Variants in ARPP21 observed in about 807,000 individuals in gnomAD.
The protein encoded by ARPP21 is cAMP-regulated phosphoprotein 21.
A neutral mutation model predicts 113.2 loss-of-function variants in ARPP21; 69 were observed. The observed-to-expected ratio is 0.61, with a 90% CI of 0.50 to 0.74. The LOEUF (loss-of-function observed/expected upper bound fraction) is 0.74. Ranked by LOEUF, ARPP21 falls within the 30% of genes least tolerant of loss-of-function variation. The pLI is 0.00. For synonymous variants in ARPP21, 368 were observed against 375.5 expected, an observed-to-expected ratio of 0.98 and a Z score of 0.23; for missense variants, 1,070 against 1,037.4, an observed-to-expected ratio of 1.03 and a Z score of -0.43.
At chr3:35,714,102 A>G (rs993783511) in intron 11 of ARPP21, among the ~76,000 whole-genome samples, 10 of 152,188 alleles carry the variant, frequency 6.6e-5, no homozygotes, top group Admixed American at 2.0e-4. Flanking sequence ...ATAAATGTCA[A>G]GTTTTTTAAA....
intron 14 of ARPP21, among the ~76,000 whole-genome samples, chr3:35,728,678 C>A (rs996489157): frequency 1.3e-5 from 2 of 152,262 alleles, no homozygotes; most frequent in African/African-American, 4.8e-5. Context: ...TCACATTCTG[C>A]TAAACCATGC....
intron 9 of ARPP21, among the ~76,000 whole-genome samples, chr3:35,704,077 A>C (rs1576058666): frequency 6.6e-6 from 1 of 151,906 alleles, no homozygotes; most frequent in East Asian, 1.9e-4. Context: ...AAATTTTATT[A>C]GATTCACTTG....
At chr3:35,682,253 C>T (rs2079126324) in intron 3 of ARPP21, among the ~76,000 whole-genome samples, 1 of 151,740 alleles carries the variant, frequency 6.6e-6, no homozygotes, top group African/African-American at 2.4e-5. Context: ...TCATGGTAAA[C>T]TAAGAAAAAT....
chr3:35,659,743 T>G (rs1663162884), intron 1 of ARPP21, among the ~76,000 whole-genome samples: 1 of 152,204 alleles, frequency 6.6e-6, no homozygotes, highest in South Asian at 2.1e-4. Flanking sequence ...TTTAAAGCAG[T>G]AATTCATCAC....
chr3:35,685,203 G>T, intron 5 of ARPP21: 1 of 985,312 alleles, frequency 1.0e-6, no homozygotes, highest in Non-Finnish European at 1.2e-6. Context: ...TTTTTTAAGG[G>T]ATCAACTGTA....
intron 11 of ARPP21, 105 bp downstream of exon 11, chr3:35,709,175 C>T (rs2090246344): frequency 3.9e-6 from 3 of 765,278 alleles, no homozygotes; most frequent in Non-Finnish European, 6.5e-6. Flanking sequence ...AGGCTGGAGC[C>T]AGAGAACAAA....
chr3:35,640,524 G>A (rs544899388), intron 1 of ARPP21, 126 bp downstream of exon 1: 2 of 151,824 alleles, frequency 1.3e-5, no homozygotes, highest in Non-Finnish European at 2.9e-5. Flanking sequence ...TTTCTTCTTC[G>A]TGTTTGTAGA....
At chr3:35,684,851 T>C (rs1488118081) in intron 5 of ARPP21, 3 of 983,778 alleles carry the variant, frequency 3.0e-6, no homozygotes, top group Non-Finnish European at 3.6e-6. Flanking sequence ...TCATAAGGCA[T>C]GGACAGGCTA....
At chr3:35,744,249 T>C (rs1453172731) in intron 19 of ARPP21, among the ~76,000 whole-genome samples, 1 of 152,230 alleles carries the variant, frequency 6.6e-6, no homozygotes, top group East Asian at 1.9e-4. Flanking sequence ...TGTCCGTACC[T>C]TTCTAGTTCA....
chr3:35,719,179 A>C (rs957142239), intron 13 of ARPP21, among the ~76,000 whole-genome samples: 1 of 151,844 alleles, frequency 6.6e-6, no homozygotes, highest in East Asian at 1.9e-4. Flanking sequence ...CCCACACCCA[A>C]ACAGATTTGG....
intron 1 of ARPP21, among the ~76,000 whole-genome samples, chr3:35,654,747 A>C (rs540560018): frequency 6.6e-6 from 1 of 152,054 alleles, no homozygotes; most frequent in Non-Finnish European, 1.5e-5. Flanking sequence ...AGTTTCTCAG[A>C]TAAAGGAAGT....
intron 19 of ARPP21, among the ~76,000 whole-genome samples, chr3:35,762,096 CCTCTCTCT>C (rs373149403): frequency 1.0e-4 from 14 of 136,144 alleles, no homozygotes; most frequent in South Asian, 6.9e-4. Context: ...CTCTCTCTCT[CCTCTCTCT>C]CTCTCTCTCT....
intron 15 of ARPP21, among the ~76,000 whole-genome samples, chr3:35,736,481 G>A (rs1173597187): frequency 1.3e-5 from 2 of 152,110 alleles, no homozygotes; most frequent in Non-Finnish European, 2.9e-5. Flanking sequence ...CAAAGACAAA[G>A]CAATACTATG....
Position 35,792,540 on chromosome 3 carries a change from A to G in ARPP21, c.2286+10A>G. On this transcript the variant is annotated intron_variant, in intron 20 of 20. Coordinates refer to ENST00000684406, the MANE Select transcript of ARPP21 (RefSeq NM_001385562.1). ...AATGTCTTCTTATCAGGTGCTCATA[A>G]GCAGCTTGGAAAATTGTGGGTTTTA... The G allele has an allele frequency of 6.2e-7, 1 of 1,613,910 alleles. No individual in the cohort carries two copies. The highest frequency in any genetic ancestry group is 8.5e-7 in the Non-Finnish European group (1 of 1,179,834).
upstream of ARPP21, among the ~76,000 whole-genome samples, chr3:35,639,367 G>A (rs1268408719): frequency 2.0e-5 from 3 of 152,020 alleles, no homozygotes; most frequent in South Asian, 2.1e-4. The surrounding 1 kb of genome is among the most constrained non-coding windows in gnomAD (Gnocchi z 5.0). Flanking sequence ...TCTGGGGCCC[G>A]GGGTCTCCGG....
rs145734208 is a variant in ARPP21, at chr3:35,783,060, C to A, written c.2138-9322C>A. Among the ~76,000 whole-genome samples, 21 of 152,200 alleles carry A rather than the reference C, an allele frequency of 1.4e-4. No individual in the cohort carries two copies. The East Asian group carries it at 4.1e-3, about 29-fold the overall frequency. The stretch of plus-strand genomic sequence containing the variant: ...ACATTTTTCTTTCTTGAAACACTCC[C>A]CTACTTCTTACTTGATACCATTCTC... On this transcript the variant is annotated intron_variant, in intron 19 of 20. Coordinates refer to ENST00000684406, the MANE Select transcript of ARPP21 (RefSeq NM_001385562.1).
intron 1 of ARPP21, among the ~76,000 whole-genome samples, chr3:35,660,481 A>G (rs1276631410): frequency 6.6e-6 from 1 of 152,070 alleles, no homozygotes; most frequent in East Asian, 1.9e-4. Context: ...TGCCCCTTCA[A>G]ACTATCCTTG....
In ARPP21 at chr3:35,690,958, T is replaced by TCCA; in HGVS notation, c.640_641insCAC (p.Asp213_Gln214insPro). ...ATTTTGGATTGGATCACAATGTGGA[T>TCCA]CAAACAGGAAAATCTGTTATCATCA... is the stretch of plus-strand genomic sequence containing the variant. On this transcript the variant is annotated inframe_insertion, in exon 9 of 21. Coordinates refer to ENST00000684406, the MANE Select transcript of ARPP21 (RefSeq NM_001385562.1). 1 of 1,610,824 alleles carries TCCA rather than the reference T, an allele frequency of 6.2e-7. No homozygotes were observed. The highest frequency in any genetic ancestry group is 8.5e-7 in the Non-Finnish European group (1 of 1,177,928).
rs539087344 is a variant in ARPP21, at chr3:35,743,870, A to G, written c.2042A>G (p.Tyr681Cys). 6.2e-7 allele frequency: 1 copy of G among 1,614,106 alleles called. No homozygotes were observed. Among genetic ancestry groups the G allele is most frequent in the South Asian group, 1.1e-5 (1 of 91,086 alleles). ...MPVYYYPSGQ[Y>C]PTSTTQQYRP... ...GTATATTATTACCCATCTGGTCAGTACCCTACCTCAACCACGCAACAGTAC... is the reference window on the plus strand; with the variant it reads ...GTATATTATTACCCATCTGGTCAGTGCCCTACCTCAACCACGCAACAGTAC... Residue 681 changes from tyrosine (Y) to cysteine (C), a missense_variant, in exon 19 of 21, where the codon TAC (tyrosine) becomes TGC (cysteine). Transcript: ENST00000684406.
Sources: gnomAD v4.1 joint callset for allele counts (sites outside exome capture counted in the v4.1 genomes callset) on GRCh38, gnomAD v4.1.1 for gene constraint, Gnocchi (gnomAD v3.1) non-coding constraint, MANE v1.5 for transcripts, NCBI Gene and HGNC (gene_info 2026-07-23, HGNC 2026-07-21) for gene names.